Variants in GPBP1L1 observed in about 807,000 individuals in gnomAD.
GPBP1L1 encodes the protein GC-rich promoter binding protein 1 like 1, also known as vasculin-like protein 1.
GPBP1L1 carries 23 observed loss-of-function variants against 52.5 expected under a neutral mutation model. The ratio of observed to expected loss-of-function variants is 0.44; its 90% CI spans 0.32 to 0.62. The LOEUF is 0.62. Ranked by LOEUF, GPBP1L1 falls within the 20% of genes least tolerant of loss-of-function variation. The pLI, the probability that GPBP1L1 is intolerant of heterozygous loss-of-function variation, is 0.06. For synonymous variants in GPBP1L1, 243 were observed against 203.1 expected, an observed-to-expected ratio of 1.20 and a Z score of -1.67; for missense variants, 596 against 579.3, an observed-to-expected ratio of 1.03 and a Z score of -0.30.
At chr1:45,653,697 T>C (rs981859304) in intron 6 of GPBP1L1, among the ~76,000 whole-genome samples, 1 of 132,188 alleles carries the variant, frequency 7.6e-6, no homozygotes, top group African/African-American at 2.8e-5. Context: ...GATAATCTTT[T>C]TTTTCTTTTT....
At chr1:45,674,146 AAAACCCATCTTAAATCCCCTGATTTCC>A (rs1440905097) in intron 2 of GPBP1L1, among the ~76,000 whole-genome samples, 1 of 152,244 alleles carries the variant, frequency 6.6e-6, no homozygotes, top group Non-Finnish European at 1.5e-5. Flanking sequence ...GTTCCTTAGC[AAAACCCATCTTAAATCCCCTGATTTCC>A]ATGACATTAC....
intron 2 of GPBP1L1, among the ~76,000 whole-genome samples, chr1:45,670,278 C>A (rs1645058789): frequency 6.6e-6 from 1 of 152,148 alleles, no homozygotes; most frequent in Non-Finnish European, 1.5e-5. Flanking sequence ...TTATAGGATA[C>A]CTATTCTTTT....
chr1:45,643,104 T>C (rs1644694805), intron 6 of GPBP1L1, among the ~76,000 whole-genome samples: 1 of 152,230 alleles, frequency 6.6e-6, no homozygotes, highest in Non-Finnish European at 1.5e-5. Context: ...ACATCAATTC[T>C]ACTTGAAAGA....
chr1:45,637,626 A>C (rs982138718), intron 8 of GPBP1L1, among the ~76,000 whole-genome samples: 6 of 150,910 alleles, frequency 4.0e-5, no homozygotes, highest in Non-Finnish European at 8.9e-5. Flanking sequence ...ATCCTTGTAA[A>C]AATTTTTTTA....
intron 2 of GPBP1L1, among the ~76,000 whole-genome samples, chr1:45,674,163 C>T (rs763374640): frequency 6.6e-6 from 1 of 152,146 alleles, no homozygotes; most frequent in Non-Finnish European, 1.5e-5. Flanking sequence ...ATCTTAAATC[C>T]CCTGATTTCC....
At chr1:45,679,152 A>G (rs1200429206) in intron 2 of GPBP1L1, among the ~76,000 whole-genome samples, 1 of 151,932 alleles carries the variant, frequency 6.6e-6, no homozygotes, top group Non-Finnish European at 1.5e-5. Context: ...GAGAACTATC[A>G]CTTTTGAGAA....
intron 2 of GPBP1L1, among the ~76,000 whole-genome samples, chr1:45,683,653 T>A (rs947318942): frequency 6.6e-6 from 1 of 150,812 alleles, no homozygotes; most frequent in South Asian, 2.1e-4. Context: ...AGTGAGCAGA[T>A]TGCTTGAGTC....
chr1:45,633,508 T>A lies in GPBP1L1; in HGVS notation c.1025A>T (p.Asp342Val). Residue 342 changes from aspartate (D) to valine (V), a missense_variant, in exon 10 of 13, where the codon GAC becomes GTC. By Grantham distance (152) the Asp-to-Val change is radical (BLOSUM62 -3). Coordinates refer to ENST00000355105, the MANE Select transcript of GPBP1L1 (RefSeq NM_021639.5). Reference protein sequence around the residue: ...DRNGDFSENRDCDKLEDLEDN... With the variant: ...DRNGDFSENRVCDKLEDLEDN... The stretch of plus-strand genomic sequence containing the variant: ...TCTTACATCTTCCAGCTTGTCACAG[T>A]CTCTATTCTCTGAGAAGTCTCCATT... 1 of 1,613,896 alleles carries A rather than the reference T, an allele frequency of 6.2e-7. No individual in the cohort carries two copies. The highest frequency in any genetic ancestry group is 8.5e-7 in the Non-Finnish European group (1 of 1,179,990).
At position 45,627,959 on chromosome 1, in the gene GPBP1L1, C is replaced by A; in HGVS notation, c.*297G>T. 1 of 253,852 alleles carries A rather than the reference C, an allele frequency of 3.9e-6. No homozygotes were observed. The highest frequency in any genetic ancestry group is 7.6e-6 in the Non-Finnish European group (1 of 131,834). The allele number at this position is 253,852 out of a possible 1,614,324, so 15.7% of individuals were successfully genotyped here. A position where few individuals can be genotyped will look rare whatever the true frequency, so the allele number is the denominator to read the frequency against. ...GCAGACCAGTGTCTCCTCTTCCCTG[C>A]ACTGCCAGCTCCTACCTGTGCATCG... On this transcript the variant is annotated 3_prime_UTR_variant, in exon 13 of 13. Transcript: ENST00000355105.
At position 45,660,550 on chromosome 1, in the gene GPBP1L1, G is replaced by A; in HGVS notation, c.-422C>T. ...ATGTTGCTTAATTAGGTAAGACATGGATATTTGCACCGAGTGCAAATACTG... is the reference window on the plus strand; with the variant it reads ...ATGTTGCTTAATTAGGTAAGACATGAATATTTGCACCGAGTGCAAATACTG... On this transcript the variant is annotated 5_prime_UTR_variant, in exon 3 of 13. Transcript: ENST00000355105. The A allele has an allele frequency of 1.0e-6, 1 of 985,166 alleles. No homozygotes were observed. The highest frequency in any genetic ancestry group is 4.7e-5 in the South Asian group (1 of 21,282). The allele number at this position is 985,166 out of a possible 1,614,324, so 61.0% of individuals were successfully genotyped here.
At chr1:45,649,895 T>G (rs1644800317) in intron 6 of GPBP1L1, among the ~76,000 whole-genome samples, 1 of 152,182 alleles carries the variant, frequency 6.6e-6, no homozygotes, top group Non-Finnish European at 1.5e-5. Flanking sequence ...TATTTGGCTG[T>G]TCTGGAATTT....
chr1:45,629,454 T>TTTCCCCCC (rs758811981), intron 12 of GPBP1L1, 122 bp downstream of exon 12: 12 of 117,618 alleles, frequency 1.0e-4, no homozygotes, highest in East Asian at 2.2e-4. Context: ...ACTAAGGTAA[T>TTTCCCCCC]CCCCCCCCCC....
At chr1:45,667,884 A>G (rs548711180) in intron 2 of GPBP1L1, among the ~76,000 whole-genome samples, 1 of 152,256 alleles carries the variant, frequency 6.6e-6, no homozygotes, top group East Asian at 1.9e-4. Flanking sequence ...AACAGCTGAG[A>G]TTACAGGCAT....
Position 45,654,610 on chromosome 1 carries a change from G to T in GPBP1L1, c.410C>A (p.Pro137His). 1 of 1,613,986 alleles carries T rather than the reference G, an allele frequency of 6.2e-7. No homozygotes were observed. ...TTTCTTTTCTTCCCTAATCTCCATA[G>T]GTGGCTTTTCCTGAAAAGCACACCC... ...RKGCAFQEKPPMEIREEKKED... is the reference protein window; with the variant it reads ...RKGCAFQEKPHMEIREEKKED... The change falls in exon 6 of 13, where the codon CCT becomes CAT. Residue 137 changes from proline (P) to histidine (H), a missense_variant. Transcript: ENST00000355105.
intron 6 of GPBP1L1, among the ~76,000 whole-genome samples, chr1:45,643,504 G>A (rs1644700668): frequency 6.6e-6 from 1 of 152,042 alleles, no homozygotes; most frequent in Non-Finnish European, 1.5e-5. Flanking sequence ...CAATTCCATA[G>A]TCCGGGAGGG....
upstream of GPBP1L1, chr1:45,687,684 A>G (rs1467078350): frequency 1.3e-5 from 2 of 152,160 alleles, no homozygotes; most frequent in African/African-American, 4.8e-5. Flanking sequence ...CCTTATCACC[A>G]CACCTTTCAT....
rs1393565533 is a variant in GPBP1L1, at chr1:45,627,385, T to G, written c.*871A>C. The G allele has an allele frequency of 1.3e-5, 2 of 152,308 alleles. No homozygotes were observed. Among genetic ancestry groups the G allele is most frequent in the Admixed American group, 1.3e-4 (2 of 15,238 alleles). 9.4% of individuals were successfully genotyped at this position (152,308 alleles called of 1,614,324 possible). On this transcript the variant is annotated 3_prime_UTR_variant, in exon 13 of 13. Coordinates refer to ENST00000355105, the MANE Select transcript of GPBP1L1 (RefSeq NM_021639.5). Reference sequence around the variant, plus strand: ...AGTATCTGCTAAAATAGAGAAACAGTTGTGTCTGAATTCACATTTCCCCCC... The same window carrying G: ...AGTATCTGCTAAAATAGAGAAACAGGTGTGTCTGAATTCACATTTCCCCCC...
intron 8 of GPBP1L1, among the ~76,000 whole-genome samples, chr1:45,637,729 T>C (rs1644614302): frequency 6.6e-6 from 1 of 152,172 alleles, no homozygotes; most frequent in Non-Finnish European, 1.5e-5. Context: ...GCAGACATCT[T>C]AAAGTAACAC....
At chr1:45,669,028 ATTT>A (rs1645043357) in intron 2 of GPBP1L1, among the ~76,000 whole-genome samples, 1 of 152,220 alleles carries the variant, frequency 6.6e-6, no homozygotes. Flanking sequence ...TTGATACACC[ATTT>A]TAATTCTGTC....
Sources: gnomAD v4.1 joint callset for allele counts (sites outside exome capture counted in the v4.1 genomes callset) on GRCh38, gnomAD v4.1.1 for gene constraint, MANE v1.5 for transcripts, NCBI Gene and HGNC (gene_info 2026-07-23, HGNC 2026-07-21) for gene names.